Variants in EXD3 observed in about 807,000 individuals in gnomAD.
The protein encoded by EXD3 is exonuclease mut-7 homolog.
EXD3 carries 92 observed loss-of-function variants against 98.0 expected under a neutral mutation model. That is an observed-to-expected ratio of 0.94 (90% CI 0.79 to 1.12). The LOEUF (loss-of-function observed/expected upper bound fraction) is 1.12. EXD3 is among the 50% of genes most tolerant of loss of function. The pLI, the probability that EXD3 is intolerant of heterozygous loss-of-function variation, is 0.00. For synonymous variants in EXD3, 569 were observed against 526.0 expected, an observed-to-expected ratio of 1.08 and a Z score of -1.12; for missense variants, 1,222 against 1,191.6, an observed-to-expected ratio of 1.03 and a Z score of -0.38.
chr9:137,323,665 C>A (rs1241555076), intron 19 of EXD3, 60 bp downstream of exon 19: 1 of 1,583,500 alleles, frequency 6.3e-7, no homozygotes, highest in Admixed American at 1.7e-5. Flanking sequence ...CCTCCCTGGA[C>A]ACCCCCGTAG....
chr9:137,406,252 A>C (rs1237102231), intron 1 of EXD3, among the ~76,000 whole-genome samples: 2 of 151,656 alleles, frequency 1.3e-5, no homozygotes, highest in Non-Finnish European at 2.9e-5. Flanking sequence ...AGAAAAGAAA[A>C]GGAAAGGAAA....
At chr9:137,311,163 T>C (rs1173026537) in intron 19 of EXD3, among the ~76,000 whole-genome samples, 1 of 152,210 alleles carries the variant, frequency 6.6e-6, no homozygotes, top group Admixed American at 6.5e-5. Context: ...GACGCCAGGC[T>C]GGGCTAGGGA....
intron 1 of EXD3, among the ~76,000 whole-genome samples, chr9:137,397,974 A>T (rs1263502525): frequency 1.5e-5 from 1 of 65,022 alleles, no homozygotes; most frequent in South Asian, 2.9e-4. Context: ...GAATAAAGTT[A>T]AAAAATATGG....
chr9:137,375,083 A>G (rs1050812992), intron 3 of EXD3, among the ~76,000 whole-genome samples: 3 of 151,538 alleles, frequency 2.0e-5, no homozygotes, highest in African/African-American at 4.9e-5. Flanking sequence ...ATCTCGACTC[A>G]CTGCAAGCTC....
rs765386542 is a variant in EXD3 at position 137,352,079 on chromosome 9, C to G, written c.1160G>C (p.Gly387Ala). The stretch of plus-strand genomic sequence containing the variant: ...CGAGGGAACCACCTGCAGGAGTGCA[C>G]CCTCGTGTCTGGTCAGGTCTTCCCA... ...ASWEDLTRHE[G>A]ALLQCHQVVG... is the part of the protein sequence containing the mutation. Residue 387 changes from glycine (G) to alanine (A), a missense_variant, in exon 12 of 22, where the codon GGT (glycine) becomes GCT (alanine). Physicochemically the swap from Gly to Ala is moderately conservative, Grantham distance 60 (BLOSUM62 0). Coordinates refer to ENST00000340951, the MANE Select transcript of EXD3 (RefSeq NM_017820.5). The G allele has an allele frequency of 6.2e-7, 1 of 1,611,938 alleles. No individual in the cohort carries two copies. Among genetic ancestry groups the G allele is most frequent in the Admixed American group, 1.7e-5 (1 of 59,828 alleles).
chr9:137,307,323 C>T (rs1356845130), intron 21 of EXD3, 60 bp from the exon 22 acceptor site: 23 of 1,440,512 alleles, frequency 1.6e-5, no homozygotes, highest in Non-Finnish European at 2.0e-5. Flanking sequence ...CCCCAGGCTG[C>T]TCCCAGAGTG....
At chr9:137,379,326 G>A (rs1193353479) in intron 3 of EXD3, among the ~76,000 whole-genome samples, 9 of 122,176 alleles carry the variant, frequency 7.4e-5, no homozygotes, top group Admixed American at 1.8e-4. Flanking sequence ...GAATGGGGGC[G>A]TCTGTGTGAG....
At chr9:137,339,349 G>T (rs532787040) in intron 17 of EXD3, among the ~76,000 whole-genome samples, 1 of 152,158 alleles carries the variant, frequency 6.6e-6, no homozygotes, top group South Asian at 2.1e-4. Context: ...CCAGAAAGAT[G>T]GATGCAAACT....
chr9:137,331,961 C>G (rs923216350), intron 17 of EXD3, among the ~76,000 whole-genome samples: 1 of 151,930 alleles, frequency 6.6e-6, no homozygotes, highest in African/African-American at 2.4e-5. Context: ...AGAACTCAAT[C>G]CTTTTTACAA....
chr9:137,398,609 TGGCACCCGCGTCCCCAAGACACACA>T (rs1837329697), intron 1 of EXD3, among the ~76,000 whole-genome samples: 8 of 30,432 alleles, frequency 2.6e-4, no homozygotes, highest in African/African-American at 9.5e-4. Flanking sequence ...CAAGACACAC[TGGCACCCGCGTCCCCAAGACACACA>T]GGCACCCGCG....
intron 17 of EXD3, among the ~76,000 whole-genome samples, chr9:137,327,006 A>C (rs1024306363): frequency 1.3e-5 from 2 of 152,166 alleles, no homozygotes; most frequent in Admixed American, 6.5e-5. Context: ...GCCAGATACA[A>C]ATGGGCAGAT....
intron 3 of EXD3, among the ~76,000 whole-genome samples, chr9:137,375,198 G>A (rs1335895304): frequency 2.6e-5 from 4 of 152,254 alleles, no homozygotes; most frequent in Admixed American, 1.3e-4. Context: ...TAGTAGAGAC[G>A]GGGTTTCACC....
At chr9:137,334,649 A>G (rs1833261511) in intron 17 of EXD3, among the ~76,000 whole-genome samples, 1 of 152,214 alleles carries the variant, frequency 6.6e-6, no homozygotes, top group African/African-American at 2.4e-5. Context: ...AATCTAGGAA[A>G]GCTCTTCTGC....
chr9:137,373,277 T>A lies in EXD3; in HGVS notation c.294+149A>T, dbSNP rs974436564. 6 of 930,674 alleles carry A rather than the reference T, an allele frequency of 6.4e-6. 1 individual carries two copies. Among genetic ancestry groups the A allele is most frequent in the East Asian group, 3.3e-5 (1 of 30,558 alleles). 57.7% of individuals were successfully genotyped at this position (930,674 alleles called of 1,614,324 possible). On this transcript the variant is annotated intron_variant, in intron 4 of 21. Coordinates refer to ENST00000340951, the MANE Select transcript of EXD3 (RefSeq NM_017820.5). ...GGGGGCAGAGGGTGAAGCCACGGGC[T>A]GAGTCTTGGCCATAGCCCCCAGCAT...
At chr9:137,408,166 T>A (rs1014929683) in intron 1 of EXD3, among the ~76,000 whole-genome samples, 1 of 152,100 alleles carries the variant, frequency 6.6e-6, no homozygotes, top group African/African-American at 2.4e-5. Context: ...CAACAGTGAC[T>A]CTTCCTCTGG....
At position 137,352,096 on chromosome 9, in the gene EXD3, G is replaced by A. The variant is rs1403699769; in HGVS notation, c.1143C>T (p.Asp381=). Residue 381 remains aspartate, a synonymous_variant, in exon 12 of 22, where the codon GAC becomes GAT. Transcript: ENST00000340951. ...ENVHLLASWE[D]LTRHEGALLQ... The stretch of plus-strand genomic sequence containing the variant: ...GGAGTGCACCCTCGTGTCTGGTCAG[G>A]TCTTCCCACGAGGCCAGGAGGTGGA... 1.2e-6 allele frequency: 2 copies of A among 1,612,424 alleles called. No homozygotes were observed. The highest frequency in any genetic ancestry group is 4.5e-5 in the East Asian group (2 of 44,888).
chr9:137,373,477 G>T lies in EXD3; in HGVS notation c.243C>A (p.Ser81=). Residue 81 remains serine, a synonymous_variant, in exon 4 of 22, where the codon TCC becomes TCA. Transcript: ENST00000340951. ...CCTGTAGCCAGCACTGCAGCTGGTGGGAGATCCAGGCCGCCAGGGAGGGGC... is the reference window on the plus strand; with the variant it reads ...CCTGTAGCCAGCACTGCAGCTGGTGTGAGATCCAGGCCGCCAGGGAGGGGC... ...GEGPSLAAWI[S]HQLQCWLQAQ... 1 of 1,609,474 alleles carries T rather than the reference G, an allele frequency of 6.2e-7. No homozygotes were observed. The highest frequency in any genetic ancestry group is 1.3e-5 in the African/African-American group (1 of 74,996).
At chr9:137,329,310 C>T (rs1832782790) in intron 17 of EXD3, among the ~76,000 whole-genome samples, 1 of 21,092 alleles carries the variant, frequency 4.7e-5, no homozygotes, top group Admixed American at 5.0e-4. Flanking sequence ...CTACACGGGG[C>T]TACACGGGAC....
At chr9:137,355,640 GAAGGAGGAAGGAGGAAGGAGGAAGGAGA>G (rs1834695367) in intron 8 of EXD3, among the ~76,000 whole-genome samples, 2 of 123,578 alleles carry the variant, frequency 1.6e-5, no homozygotes, top group Admixed American at 8.4e-5. Context: ...GAGGAAGGAG[GAAGGAGGAAGGAGGAAGGAGGAAGGAGA>G]AAGGGAGGAT....
Sources: gnomAD v4.1 joint callset for allele counts (sites outside exome capture counted in the v4.1 genomes callset) on GRCh38, gnomAD v4.1.1 for gene constraint, MANE v1.5 for transcripts, NCBI Gene and HGNC (gene_info 2026-07-23, HGNC 2026-07-21) for gene names.